The following MSRA variants were observed in gnomAD, a reference collection of about 807,000 sequenced individuals.
MSRA encodes methionine sulfoxide reductase A.
In MSRA, 54 loss-of-function variants were observed where a neutral mutation model predicts 31.3. The observed-to-expected ratio is 1.73, with a 90% CI of 1.39 to 2.17. The LOEUF is 2.17. Among genes scored for constraint, MSRA ranks in the 30% most tolerant of loss-of-function variants. The pLI is 0.00. For synonymous variants in MSRA, 169 were observed against 116.5 expected (o/e 1.45, Z -2.90); for missense variants, 507 against 300.9 (o/e 1.69, Z -5.07).
At chr8:10,087,619 G>T (rs755670182) in intron 1 of MSRA, among the ~76,000 whole-genome samples, 1 of 152,170 alleles carries the variant, frequency 6.6e-6, no homozygotes, top group Non-Finnish European at 1.5e-5. Context: ...CTGTCCCGTG[G>T]GCTAGGTAGG....
At chr8:10,074,419 T>C (rs545495225) in intron 1 of MSRA, among the ~76,000 whole-genome samples, 28 of 151,924 alleles carry the variant, frequency 1.8e-4, no homozygotes, top group Non-Finnish European at 3.4e-4. Context: ...CTTTGAAAAG[T>C]TTGTTGCTTT....
At chr8:10,061,637 A>C (rs989556677) in intron 1 of MSRA, among the ~76,000 whole-genome samples, 1 of 152,092 alleles carries the variant, frequency 6.6e-6, no homozygotes, top group African/African-American at 2.4e-5. Flanking sequence ...ATAGTGTTTT[A>C]TGAACGTTGG....
rs569255438 is a variant in MSRA, at chr8:10,287,744, C to A, written c.332-13790C>A. ...CCATTTTTGTTTCAGACCTGGATAT[C>A]CTACAGGTGTGAAGTTGCCAAGAAT... On this transcript the variant is annotated intron_variant, in intron 3 of 5. Coordinates refer to ENST00000317173, the MANE Select transcript of MSRA (RefSeq NM_012331.5). Among the ~76,000 whole-genome samples the A allele has an allele frequency of 7.2e-5, 11 of 152,220 alleles. No individual in the cohort carries two copies. In the South Asian group the frequency reaches 2.3e-3, roughly 32 times the overall value.
At chr8:10,094,520 T>C (rs1799023084) in intron 1 of MSRA, among the ~76,000 whole-genome samples, 1 of 152,244 alleles carries the variant, frequency 6.6e-6, no homozygotes, top group African/African-American at 2.4e-5. Flanking sequence ...TTTTCATAAG[T>C]GGTAAATGAG....
chr8:10,116,850 C>T (rs914005836), intron 1 of MSRA, among the ~76,000 whole-genome samples: 2 of 152,046 alleles, frequency 1.3e-5, no homozygotes, highest in Non-Finnish European at 2.9e-5. Flanking sequence ...GCCTGTAATC[C>T]CAGCTACTTG....
intron 2 of MSRA, among the ~76,000 whole-genome samples, chr8:10,233,575 T>A (rs971780486): frequency 6.6e-6 from 1 of 152,208 alleles, no homozygotes; most frequent in Admixed American, 6.5e-5. Flanking sequence ...AACTCTTAGA[T>A]TGAACCCAGT....
chr8:10,378,032 C>T (rs111346898), intron 5 of MSRA, among the ~76,000 whole-genome samples: 5 of 152,326 alleles, frequency 3.3e-5, no homozygotes, highest in East Asian at 1.9e-4. Flanking sequence ...CAAAAGGCCC[C>T]GGGTGGCCAG....
intron 3 of MSRA, among the ~76,000 whole-genome samples, chr8:10,257,957 T>A (rs150096790): frequency 6.6e-6 from 1 of 152,294 alleles, no homozygotes; most frequent in African/African-American, 2.4e-5. Context: ...CACACACACG[T>A]TGATGGCCTT....
chr8:10,339,344 C>T lies in MSRA; in HGVS notation c.543+19355C>T, dbSNP rs1406864601. ...AAGGCAACTCATGTTTGAAATTAGA[C>T]TTGACCTTGTTTCATGAGTTTCCAA... On this transcript the variant is annotated intron_variant, in intron 5 of 5. Transcript: ENST00000317173. 2.0e-5 allele frequency among the ~76,000 whole-genome samples: 3 copies of T among 152,294 alleles called. No individual in the cohort carries two copies. In the East Asian group the frequency reaches 5.8e-4, roughly 29 times the overall value.
intron 1 of MSRA, among the ~76,000 whole-genome samples, chr8:10,089,946 C>T (rs998573276): frequency 2.0e-5 from 3 of 152,192 alleles, no homozygotes; most frequent in African/African-American, 4.8e-5. Flanking sequence ...TTCCACGAGG[C>T]ACCACCTCCC....
chr8:10,083,865 A>G (rs1054018127), intron 1 of MSRA, among the ~76,000 whole-genome samples: 1 of 152,150 alleles, frequency 6.6e-6, no homozygotes, highest in South Asian at 2.1e-4. Flanking sequence ...CTTAATTTTA[A>G]TTTTAAAATA....
At chr8:10,371,572 G>T (rs1370485589) in intron 5 of MSRA, among the ~76,000 whole-genome samples, 1 of 152,106 alleles carries the variant, frequency 6.6e-6, no homozygotes, top group African/African-American at 2.4e-5. Flanking sequence ...AGAGACATTG[G>T]TCATCAAGCA....
chr8:10,212,431 G>A (rs1809583553), intron 2 of MSRA, among the ~76,000 whole-genome samples: 2 of 152,076 alleles, frequency 1.3e-5, no homozygotes, highest in Non-Finnish European at 2.9e-5. Context: ...GAAAAATAAT[G>A]AACTTGGATA....
At chr8:10,246,923 A>T (rs796241474) in intron 3 of MSRA, among the ~76,000 whole-genome samples, 5 of 152,192 alleles carry the variant, frequency 3.3e-5, no homozygotes, top group Non-Finnish European at 7.3e-5. Context: ...CTCAAGTCTT[A>T]GGAATGGAAA....
chr8:10,076,507 A>G (rs1253973778), intron 1 of MSRA, among the ~76,000 whole-genome samples: 3 of 152,196 alleles, frequency 2.0e-5, no homozygotes, highest in Non-Finnish European at 2.9e-5. Context: ...TTGGGAAAAG[A>G]TTCTCTCAAA....
intron 3 of MSRA, among the ~76,000 whole-genome samples, chr8:10,297,856 G>C (rs1800626937): frequency 6.6e-6 from 1 of 152,180 alleles, no homozygotes; most frequent in Non-Finnish European, 1.5e-5. Flanking sequence ...CCATATTGCT[G>C]TCATGAAAGA....
chr8:10,225,284 C>T (rs928085994), intron 2 of MSRA, among the ~76,000 whole-genome samples: 3 of 152,214 alleles, frequency 2.0e-5, no homozygotes, highest in Admixed American at 6.5e-5. Flanking sequence ...TGACTTTCCT[C>T]AGTCCTTCCC....
chr8:10,290,932 A>C (rs1185685743), intron 3 of MSRA, among the ~76,000 whole-genome samples: 1 of 152,174 alleles, frequency 6.6e-6, no homozygotes, highest in Non-Finnish European at 1.5e-5. Flanking sequence ...GTTTGGTGCC[A>C]GTCTAGAAAA....
At chr8:10,351,171 C>T (rs532049926) in intron 5 of MSRA, among the ~76,000 whole-genome samples, 24 of 147,292 alleles carry the variant, frequency 1.6e-4, no homozygotes, top group Non-Finnish European at 2.5e-4. Flanking sequence ...CTCATCCATT[C>T]GAGTGAAAAT....
Sources: allele counts gnomAD v4.1 joint callset (sites outside exome capture counted in the v4.1 genomes callset), GRCh38; gene constraint gnomAD v4.1.1; transcripts MANE v1.5; gene names NCBI Gene and HGNC (gene_info 2026-07-23, HGNC 2026-07-21).